Variants in ERBB4 observed in about 807,000 individuals in gnomAD.
ERBB4 encodes receptor tyrosine-protein kinase erbB-4.
ERBB4 carries 42 observed loss-of-function variants against 158.0 expected under a neutral mutation model. The observed-to-expected ratio is 0.27, with a 90% CI of 0.21 to 0.34. The LOEUF is 0.34. ERBB4 is among the 10% of genes least tolerant of loss of function. ERBB4 has a pLI of 1.00. For synonymous variants in ERBB4, 583 were observed against 558.7 expected (o/e 1.04, Z -0.61); for missense variants, 1,333 against 1,624.1 (o/e 0.82, Z 3.08).
chr2:211,816,413 C>T (rs749706313), intron 3 of ERBB4, among the ~76,000 whole-genome samples: 4 of 151,320 alleles, frequency 2.6e-5, no homozygotes, highest in Non-Finnish European at 5.9e-5. Flanking sequence ...TGGTGTCACA[C>T]GCCTGTAGTC....
chr2:212,015,399 T>G (rs1559322146), intron 2 of ERBB4, among the ~76,000 whole-genome samples: 1 of 152,112 alleles, frequency 6.6e-6, no homozygotes, highest in Non-Finnish European at 1.5e-5. Context: ...GGGATACAGT[T>G]TGAACCTATA....
intron 3 of ERBB4, among the ~76,000 whole-genome samples, chr2:211,868,072 A>G (rs546902912): frequency 6.6e-6 from 1 of 152,344 alleles, no homozygotes; most frequent in African/African-American, 2.4e-5. Flanking sequence ...TGTTTCCAGT[A>G]CATAGAACTG....
intron 4 of ERBB4, among the ~76,000 whole-genome samples, chr2:211,759,406 A>G (rs2075356965): frequency 6.6e-6 from 1 of 152,224 alleles, no homozygotes; most frequent in East Asian, 1.9e-4. Context: ...CATGTGCCTC[A>G]TAGTACATGC....
intron 2 of ERBB4, among the ~76,000 whole-genome samples, chr2:212,028,639 A>C (rs1024097108): frequency 6.6e-6 from 1 of 152,074 alleles, no homozygotes; most frequent in African/African-American, 2.4e-5. Context: ...CAAAACATTA[A>C]TCAAAACTGT....
chr2:211,615,494 T>C (rs1032320083), intron 19 of ERBB4, among the ~76,000 whole-genome samples: 1 of 152,114 alleles, frequency 6.6e-6, no homozygotes, highest in African/African-American at 2.4e-5. Flanking sequence ...TCTTTCTTTA[T>C]GGGAATGAAG....
intron 3 of ERBB4, among the ~76,000 whole-genome samples, chr2:211,868,221 AG>A (rs1434908733): frequency 6.7e-6 from 1 of 149,248 alleles, no homozygotes; most frequent in Non-Finnish European, 1.5e-5. Flanking sequence ...TGCAACTGAA[AG>A]TTGATCTGGA....
At chr2:211,669,801 T>C (rs1249673423) in intron 14 of ERBB4, among the ~76,000 whole-genome samples, 1 of 152,182 alleles carries the variant, frequency 6.6e-6, no homozygotes, top group Non-Finnish European at 1.5e-5. Context: ...AAAACTGAGA[T>C]GTACGAGAAA....
rs184130842 is a variant in ERBB4 at position 211,786,384 on chromosome 2, C to T, written c.556+1641G>A. Among the ~76,000 whole-genome samples, 67 of 152,240 alleles carry T rather than the reference C, an allele frequency of 4.4e-4. 1 individual carries two copies. In the South Asian group the frequency reaches 6.4e-3, roughly 15 times the overall value. ...TATAATGTGTCAGCAAATAAAACTACTATGTAAATAATAAAACTTTGGCAA... is the reference window on the plus strand; with the variant it reads ...TATAATGTGTCAGCAAATAAAACTATTATGTAAATAATAAAACTTTGGCAA... On this transcript the variant is annotated intron_variant, in intron 4 of 27. Transcript: ENST00000342788.
chr2:212,244,607 C>T (rs1158963251), intron 1 of ERBB4, among the ~76,000 whole-genome samples: 7 of 152,220 alleles, frequency 4.6e-5, no homozygotes, highest in Middle Eastern at 3.4e-3. Context: ...TTCTATTTCA[C>T]CATATGTTTT....
At chr2:212,424,158 A>G (rs2091856163) in intron 1 of ERBB4, among the ~76,000 whole-genome samples, 1 of 152,140 alleles carries the variant, frequency 6.6e-6, no homozygotes, top group Admixed American at 6.6e-5. Context: ...GTTGATGTAT[A>G]GGATACATCA....
intron 1 of ERBB4, among the ~76,000 whole-genome samples, chr2:212,354,723 A>C (rs2089399870): frequency 6.6e-6 from 1 of 152,094 alleles, no homozygotes; most frequent in African/African-American, 2.4e-5. Context: ...AGACCCTTTC[A>C]TGGTAGCTTT....
intron 3 of ERBB4, among the ~76,000 whole-genome samples, chr2:211,886,750 T>C (rs991773950): frequency 6.6e-6 from 1 of 152,046 alleles, no homozygotes; most frequent in Non-Finnish European, 1.5e-5. Context: ...CTGTACTCTT[T>C]CTTCTCTTAT....
chr2:211,551,752 AC>A (rs1323974866), intron 20 of ERBB4, among the ~76,000 whole-genome samples: 1 of 152,216 alleles, frequency 6.6e-6, no homozygotes, highest in Admixed American at 6.5e-5. Flanking sequence ...AAATGTCAGC[AC>A]CCAGTTCAAG....
intron 3 of ERBB4, among the ~76,000 whole-genome samples, chr2:211,791,800 T>C (rs539821936): frequency 3.9e-5 from 6 of 151,990 alleles, no homozygotes; most frequent in Non-Finnish European, 7.4e-5. Context: ...ATTTCATTGC[T>C]GAAAATTTCC....
At chr2:212,191,862 ATATT>A (rs1292411523) in intron 1 of ERBB4, among the ~76,000 whole-genome samples, 2,907 of 85,540 alleles carry the variant, frequency 0.034, 126 homozygotes, top group African/African-American at 0.099. Flanking sequence ...TATGTTCTAT[ATATT>A]ATATATAATA....
intron 2 of ERBB4, among the ~76,000 whole-genome samples, chr2:211,980,550 T>C (rs2081761355): frequency 6.6e-6 from 1 of 152,174 alleles, no homozygotes; most frequent in Non-Finnish European, 1.5e-5. Flanking sequence ...GTAAGTACAG[T>C]CATCCCTTAG....
At chr2:211,557,821 T>C (rs1407830247) in intron 20 of ERBB4, among the ~76,000 whole-genome samples, 1 of 152,212 alleles carries the variant, frequency 6.6e-6, no homozygotes, top group East Asian at 1.9e-4. Context: ...TGCACACGTA[T>C]GTTCATTGCA....
At chr2:211,517,070 T>C (rs1016339301) in intron 20 of ERBB4, among the ~76,000 whole-genome samples, 4 of 152,118 alleles carry the variant, frequency 2.6e-5, no homozygotes, top group African/African-American at 7.2e-5. Flanking sequence ...CAAATTACAA[T>C]TTCTCCACTT....
chr2:211,445,028 A>T (rs1213449946), intron 20 of ERBB4, among the ~76,000 whole-genome samples: 1 of 152,152 alleles, frequency 6.6e-6, no homozygotes. Flanking sequence ...ATAGAGTTCT[A>T]AAAGGTAATG....
Sources: gnomAD v4.1 joint callset for allele counts (sites outside exome capture counted in the v4.1 genomes callset) on GRCh38, gnomAD v4.1.1 for gene constraint, MANE v1.5 for transcripts, NCBI Gene and HGNC (gene_info 2026-07-23, HGNC 2026-07-21) for gene names.